Variants in GRM7 observed in about 807,000 individuals in gnomAD.
GRM7 encodes the protein metabotropic glutamate receptor 7.
Under a neutral mutation model 84.5 loss-of-function variants are expected in GRM7, and 35 were observed. The observed-to-expected ratio is 0.41, with a 90% CI of 0.32 to 0.55. The LOEUF is 0.55. GRM7 is among the 20% of genes least tolerant of loss of function. The pLI is 0.19. For missense variants in GRM7, 1,003 were observed against 1,194.6 expected, an observed-to-expected ratio of 0.84 and a Z score of 2.36; for synonymous variants, 487 against 455.1, an observed-to-expected ratio of 1.07 and a Z score of -0.89.
chr3:6,867,334 C>A (rs74528780), intron 1 of GRM7, among the ~76,000 whole-genome samples: 1 of 152,080 alleles, frequency 6.6e-6, no homozygotes. Flanking sequence ...ATTCAAGACT[C>A]GATGTCCTTC....
intron 1 of GRM7, among the ~76,000 whole-genome samples, chr3:7,023,504 C>T (rs149591350): frequency 9.2e-5 from 14 of 152,220 alleles, no homozygotes; most frequent in African/African-American, 1.2e-4. Flanking sequence ...GGGCACTCAC[C>T]GCGTGAGTCT....
intron 4 of GRM7, among the ~76,000 whole-genome samples, chr3:7,372,753 C>G (rs1694193054): frequency 6.6e-6 from 1 of 152,028 alleles, no homozygotes; most frequent in Admixed American, 6.6e-5. Context: ...CATGTTATAT[C>G]TTATCACAGG....
chr3:7,135,110 T>C (rs962737268), intron 1 of GRM7, among the ~76,000 whole-genome samples: 13 of 152,180 alleles, frequency 8.5e-5, no homozygotes, highest in Non-Finnish European at 1.9e-4. Context: ...AACTCCAGAT[T>C]TTAAGCTAAT....
chr3:7,097,079 C>T (rs532650800), intron 1 of GRM7, among the ~76,000 whole-genome samples: 42 of 152,228 alleles, frequency 2.8e-4, no homozygotes, highest in African/African-American at 1.0e-3. Flanking sequence ...AATTTAGTTT[C>T]CCACACTTTT....
intron 9 of GRM7, chr3:7,681,376 T>C (rs1700361769): frequency 6.6e-6 from 1 of 152,192 alleles, no homozygotes; most frequent in Non-Finnish European, 1.5e-5. Flanking sequence ...GCTCTGCAAA[T>C]AAGAGAGATA....
intron 4 of GRM7, among the ~76,000 whole-genome samples, chr3:7,390,910 A>G (rs906301948): frequency 1.3e-5 from 2 of 152,168 alleles, no homozygotes; most frequent in Non-Finnish European, 2.9e-5. Context: ...TGGAGGTGAC[A>G]AAACACTCTG....
At chr3:7,568,625 G>GC (rs1314200507) in intron 7 of GRM7, among the ~76,000 whole-genome samples, 1 of 152,194 alleles carries the variant, frequency 6.6e-6, no homozygotes, top group African/African-American at 2.4e-5. Flanking sequence ...AACCGGGGCT[G>GC]CCCCCGGCGC....
intron 4 of GRM7, among the ~76,000 whole-genome samples, chr3:7,390,914 C>T (rs1478166907): frequency 6.6e-6 from 1 of 152,120 alleles, no homozygotes; most frequent in African/African-American, 2.4e-5. Flanking sequence ...GGTGACAAAA[C>T]ACTCTGGCTA....
At chr3:7,586,792 A>C (rs1324504488) in intron 8 of GRM7, among the ~76,000 whole-genome samples, 2 of 152,186 alleles carry the variant, frequency 1.3e-5, no homozygotes, top group Non-Finnish European at 2.9e-5. Flanking sequence ...TGGGCAACAG[A>C]GCCAGACTCT....
chr3:6,892,284 T>A (rs1278559756), intron 1 of GRM7, among the ~76,000 whole-genome samples: 1 of 152,066 alleles, frequency 6.6e-6, no homozygotes, highest in Non-Finnish European at 1.5e-5. Flanking sequence ...CCAGGAGTAA[T>A]TGAGGAGGCA....
intron 1 of GRM7, among the ~76,000 whole-genome samples, chr3:6,890,030 G>T (rs554130200): frequency 5.9e-5 from 9 of 152,186 alleles, no homozygotes; most frequent in Non-Finnish European, 1.2e-4. Flanking sequence ...AGAGGTGTTT[G>T]TAGTATTCTC....
intron 1 of GRM7, among the ~76,000 whole-genome samples, chr3:7,019,775 AATCTCCC>A (rs1462777787): frequency 1.3e-5 from 2 of 152,178 alleles, no homozygotes; most frequent in Non-Finnish European, 2.9e-5. Context: ...CCGTAAATAA[AATCTCCC>A]TTTCAACATA....
intron 7 of GRM7, among the ~76,000 whole-genome samples, chr3:7,518,708 A>G (rs1373710236): frequency 1.3e-5 from 2 of 152,234 alleles, no homozygotes; most frequent in African/African-American, 4.8e-5. Flanking sequence ...GAAGCCAGAC[A>G]AATTTAAAAC....
chr3:7,255,474 G>A (rs1698160817), intron 2 of GRM7, among the ~76,000 whole-genome samples: 2 of 152,144 alleles, frequency 1.3e-5, no homozygotes, highest in African/African-American at 4.8e-5. Context: ...ATCCAAACAC[G>A]ACTTTGAATT....
At chr3:7,314,848 T>C (rs538329217) in intron 4 of GRM7, among the ~76,000 whole-genome samples, 25 of 152,264 alleles carry the variant, frequency 1.6e-4, no homozygotes, top group African/African-American at 5.8e-4. Context: ...ATTTCTGTTG[T>C]CAAATCCTTG....
At chr3:7,620,270 A>G (rs188436485) in intron 8 of GRM7, among the ~76,000 whole-genome samples, 4 of 152,246 alleles carry the variant, frequency 2.6e-5, no homozygotes, top group Non-Finnish European at 5.9e-5. Context: ...GCACACTTAT[A>G]CTAAAAATTC....
chr3:7,402,330 GT>G (rs1333987227), intron 4 of GRM7, among the ~76,000 whole-genome samples: 2 of 152,180 alleles, frequency 1.3e-5, no homozygotes, highest in Non-Finnish European at 2.9e-5. Context: ...ACAAGATGTA[GT>G]TGTCTAAAAG....
intron 1 of GRM7, among the ~76,000 whole-genome samples, chr3:7,059,832 T>C (rs183332677): frequency 1.6e-4 from 24 of 151,894 alleles, no homozygotes; most frequent in African/African-American, 5.8e-4. Flanking sequence ...ACCAAAACAT[T>C]GGTCTTCTCC....
chr3:6,996,361 T>C (rs776399236), intron 1 of GRM7, among the ~76,000 whole-genome samples: 2 of 152,148 alleles, frequency 1.3e-5, no homozygotes, highest in African/African-American at 4.8e-5. Context: ...TTCTACAAAT[T>C]TTTAATAGAA....
Sources: gnomAD v4.1 joint callset for allele counts (sites outside exome capture counted in the v4.1 genomes callset) on GRCh38, gnomAD v4.1.1 for gene constraint, MANE v1.5 for transcripts, NCBI Gene and HGNC (gene_info 2026-07-23, HGNC 2026-07-21) for gene names.